Variants in MON1A observed in about 807,000 individuals in gnomAD.
The protein encoded by MON1A is MON1 vesicular trafficking associated A.
A neutral mutation model predicts 44.6 loss-of-function variants in MON1A; 29 were observed. That is an observed-to-expected ratio of 0.65 (90% CI 0.48 to 0.89). The LOEUF is 0.89. MON1A is among the 40% of genes least tolerant of loss of function. The pLI is 0.00. For missense variants in MON1A, 615 were observed against 759.6 expected (o/e 0.81, Z 2.24); for synonymous variants, 275 against 316.4 (o/e 0.87, Z 1.39).
chr3:49,918,936 C>T lies in MON1A; in HGVS notation c.-13-5577G>A, dbSNP rs541870681. 4.6e-5 allele frequency among the ~76,000 whole-genome samples: 7 copies of T among 152,260 alleles called. No homozygotes were observed. The South Asian group carries it at 1.0e-3, about 23-fold the overall frequency. The stretch of plus-strand genomic sequence containing the variant: ...GTGGCTCATGCCTGTCATCCTAGTA[C>T]TTTGGGAGGCCTAGGTGGGCAAACC... On this transcript the variant is annotated intron_variant, in intron 1 of 5. Coordinates refer to ENST00000296473, the MANE Select transcript of MON1A (RefSeq NM_032355.4).
intron 1 of MON1A, among the ~76,000 whole-genome samples, chr3:49,914,294 G>T (rs1182984828): frequency 2.6e-5 from 4 of 151,700 alleles, no homozygotes; most frequent in Non-Finnish European, 4.4e-5. Context: ...TGTTGGTCAG[G>T]CTGCTCTCGA....
chr3:49,910,807 CTT>C lies in MON1A; in HGVS notation c.689_690del (p.Gln230ArgfsTer33). 6.2e-7 allele frequency: 1 copy of C among 1,613,562 alleles called. No homozygotes were observed. The highest frequency in any genetic ancestry group is 8.5e-7 in the Non-Finnish European group (1 of 1,180,002). On this transcript the variant is annotated frameshift_variant, in exon 4 of 6. Coordinates refer to ENST00000296473, the MANE Select transcript of MON1A (RefSeq NM_032355.4). LOFTEE classifies it high-confidence loss of function. This position sits in a 1 kb window ranked among gnomAD's most constrained non-coding sequence, Gnocchi z 8.0. ...ATGTAGAGCAGCTCCTGCGCCAGCTCTTGTGCCGACTGCCGCGTACGAGCCAC... is the reference window on the plus strand; with the variant it reads ...ATGTAGAGCAGCTCCTGCGCCAGCTCGTGCCGACTGCCGCGTACGAGCCAC... ...VAVARTRQSA[Q>X]ELAQELLYIY... is the part of the protein sequence containing the mutation.
chr3:49,927,912 CAACAAAAAAA>C (rs1219460482), intron 1 of MON1A, among the ~76,000 whole-genome samples: 7 of 150,432 alleles, frequency 4.7e-5, no homozygotes, highest in South Asian at 2.1e-4. Context: ...AAAAAAAAAA[CAACAAAAAAA>C]AACAAAAAAC....
At chr3:49,919,501 A>G (rs1009012901) in intron 1 of MON1A, among the ~76,000 whole-genome samples, 2 of 152,148 alleles carry the variant, frequency 1.3e-5, no homozygotes, top group African/African-American at 4.8e-5. Context: ...ATTTTTTGAG[A>G]CGGAGTCTCA....
intron 1 of MON1A, 151 bp downstream of exon 1, chr3:49,929,458 C>T (rs539990537): frequency 6.7e-6 from 6 of 901,146 alleles, no homozygotes; most frequent in African/African-American, 1.7e-5. Flanking sequence ...GGGGACTAGC[C>T]GGCTGAGGGA....
chr3:49,912,152 A>G, intron 2 of MON1A, 141 bp from the exon 3 acceptor site: 1 of 1,059,536 alleles, frequency 9.4e-7, no homozygotes, highest in Non-Finnish European at 1.3e-6. Context: ...ACTGTCTGCC[A>G]TGGATGATGC....
At chr3:49,924,753 C>T (rs2083039483) in intron 1 of MON1A, 1 of 158,154 alleles carries the variant, frequency 6.3e-6, no homozygotes, top group East Asian at 1.9e-4. Flanking sequence ...CTGCCTTGTT[C>T]TCTTGGATCA....
chr3:49,929,562 C>G (rs755166801), intron 1 of MON1A, 47 bp downstream of exon 1: 2 of 1,548,848 alleles, frequency 1.3e-6, no homozygotes, highest in Non-Finnish European at 1.7e-6. Flanking sequence ...TGACAGCTCT[C>G]CAGTCTCTAG....
At chr3:49,916,343 A>G (rs1488892110) in intron 1 of MON1A, 1 of 152,282 alleles carries the variant, frequency 6.6e-6, no homozygotes, top group African/African-American at 2.4e-5. Flanking sequence ...AGCTCCAGTC[A>G]GGCAGCTCCT....
intron 1 of MON1A, among the ~76,000 whole-genome samples, chr3:49,925,356 C>T (rs2083044244): frequency 1.3e-5 from 2 of 152,178 alleles, no homozygotes; most frequent in Admixed American, 1.3e-4. Context: ...CTCAAGTGAT[C>T]TGCCTGCCTC....
intron 1 of MON1A, among the ~76,000 whole-genome samples, chr3:49,913,901 T>C (rs1196677314): frequency 1.3e-5 from 2 of 151,652 alleles, no homozygotes; most frequent in African/African-American, 2.4e-5. Context: ...TGACCTCAAG[T>C]GATCTGCCCC....
intron 2 of MON1A, chr3:49,912,831 AC>A (rs1377295283): frequency 8.6e-6 from 3 of 349,614 alleles, no homozygotes; most frequent in Non-Finnish European, 1.1e-5. Flanking sequence ...CAAAGTGTTC[AC>A]AATCTTGTGG....
At chr3:49,924,334 C>G (rs2083030854) in intron 1 of MON1A, among the ~76,000 whole-genome samples, 1 of 152,170 alleles carries the variant, frequency 6.6e-6, no homozygotes, top group African/African-American at 2.4e-5. Context: ...TGCATACTCC[C>G]TTTCCACACT....
At chr3:49,913,498 C>A in intron 1 of MON1A, 139 bp from the exon 2 acceptor site, 1 of 763,468 alleles carries the variant, frequency 1.3e-6, no homozygotes, top group Non-Finnish European at 2.0e-6. Flanking sequence ...CTGAGAATTC[C>A]TTTCAAAAAA....
At chr3:49,918,071 A>T (rs1005010654) in intron 1 of MON1A, among the ~76,000 whole-genome samples, 2 of 149,528 alleles carry the variant, frequency 1.3e-5, no homozygotes, top group Non-Finnish European at 3.0e-5. Context: ...GCGCGGTGGC[A>T]CACACCTGTA....
intron 1 of MON1A, chr3:49,916,661 A>G: frequency 6.6e-6 from 1 of 152,400 alleles, no homozygotes; most frequent in Non-Finnish European, 1.5e-5. Flanking sequence ...GACAATCAAG[A>G]GTAATGGTTC....
chr3:49,914,200 C>A (rs2082922171), intron 1 of MON1A, among the ~76,000 whole-genome samples: 2 of 151,510 alleles, frequency 1.3e-5, no homozygotes, highest in African/African-American at 4.9e-5. Context: ...AAGAGATTCT[C>A]CTGCCTCAGC....
chr3:49,913,852 C>T (rs562158512), intron 1 of MON1A, among the ~76,000 whole-genome samples: 6 of 151,344 alleles, frequency 4.0e-5, no homozygotes, highest in South Asian at 2.1e-4. Context: ...TTGGTATAGA[C>T]GGGGTTTCAC....
chr3:49,913,844 G>A (rs1259993258), intron 1 of MON1A, among the ~76,000 whole-genome samples: 1 of 150,960 alleles, frequency 6.6e-6, no homozygotes, highest in Non-Finnish European at 1.5e-5. Context: ...TGTATTTTTT[G>A]GTATAGACGG....
Sources: gnomAD v4.1 joint callset for allele counts (sites outside exome capture counted in the v4.1 genomes callset) on GRCh38, gnomAD v4.1.1 for gene constraint, Gnocchi (gnomAD v3.1) non-coding constraint, MANE v1.5 for transcripts, NCBI Gene and HGNC (gene_info 2026-07-23, HGNC 2026-07-21) for gene names.